The following XRCC2 variants were observed in gnomAD, a reference collection of about 807,000 sequenced individuals.
XRCC2 encodes the protein X-ray repair cross complementing 2, also known as DNA repair protein XRCC2.
Under a neutral mutation model 27.3 loss-of-function variants are expected in XRCC2, and 24 were observed. The ratio of observed to expected loss-of-function variants is 0.88; its 90% CI spans 0.64 to 1.24. The LOEUF is 1.24. XRCC2 is among the 50% of genes most tolerant of loss of function. XRCC2 has a pLI of 0.00. For missense variants in XRCC2, 321 were observed against 325.8 expected, an observed-to-expected ratio of 0.99 and a Z score of 0.11; for synonymous variants, 106 against 115.4, an observed-to-expected ratio of 0.92 and a Z score of 0.52.
chr7:152,648,634 G>T lies in XRCC2; in HGVS notation c.*8C>A. 6.3e-7 allele frequency: 1 copy of T among 1,582,126 alleles called. No individual in the cohort carries two copies. The highest frequency in any genetic ancestry group is 8.6e-7 in the Non-Finnish European group (1 of 1,167,716). ...AGTACCCTGCAAAAGACTATTTTAT[G>T]ATGTATATCAACAAAATTCAACCCC... On this transcript the variant is annotated 3_prime_UTR_variant, in exon 3 of 3. Transcript: ENST00000359321.
At chr7:152,651,616 A>G (rs1305261500) in intron 2 of XRCC2, among the ~76,000 whole-genome samples, 4 of 151,992 alleles carry the variant, frequency 2.6e-5, no homozygotes, top group African/African-American at 9.7e-5. Flanking sequence ...GAAATTTAAA[A>G]AATGATTCCA....
rs1438661897 is a variant in XRCC2, at chr7:152,646,813, G to A, written c.*1829C>T. On this transcript the variant is annotated 3_prime_UTR_variant, in exon 3 of 3. Transcript: ENST00000359321. ...TTTTTATGGCTGTATAGTATTCCCT[G>A]GTGTGTATGTACCACATTTTTTTAA... The A allele has an allele frequency of 6.6e-6, 1 of 152,156 alleles. No homozygotes were observed. Among genetic ancestry groups the A allele is most frequent in the Non-Finnish European group, 1.5e-5 (1 of 68,052 alleles). 9.4% of individuals were successfully genotyped at this position (152,156 alleles called of 1,614,324 possible).
chr7:152,667,428 A>AAAT (rs1554412463), intron 1 of XRCC2, among the ~76,000 whole-genome samples: 2 of 77,928 alleles, frequency 2.6e-5, no homozygotes, highest in Admixed American at 1.5e-4. Context: ...AAAAAAAAAG[A>AAAT]AAAAAAGTAT....
chr7:152,650,573 G>A (rs2098028095), intron 2 of XRCC2, among the ~76,000 whole-genome samples: 1 of 152,118 alleles, frequency 6.6e-6, no homozygotes, highest in African/African-American at 2.4e-5. Context: ...CCAATTATTA[G>A]CCCCAACCAA....
intron 1 of XRCC2, among the ~76,000 whole-genome samples, chr7:152,669,864 G>A (rs896500984): frequency 2.6e-5 from 4 of 151,812 alleles, no homozygotes. Flanking sequence ...TCGGGAGGCC[G>A]AGGTGAAAGG....
chr7:152,648,869 A>G lies in XRCC2; in HGVS notation c.616T>C (p.Ser206Pro). 6.2e-7 allele frequency: 1 copy of G among 1,613,992 alleles called. No individual in the cohort carries two copies. Among genetic ancestry groups the G allele is most frequent in the South Asian group, 1.1e-5 (1 of 91,070 alleles). ...QTIMQKASSS[S>P]EEPSHASRRL... ...CGAGAGGCATGAGAAGGTTCTTCTGATGAGCTCGAGGCTTTCTGCATTATA... is the reference window on the plus strand; with the variant it reads ...CGAGAGGCATGAGAAGGTTCTTCTGGTGAGCTCGAGGCTTTCTGCATTATA... Residue 206 changes from serine (S) to proline (P), a missense_variant, in exon 3 of 3, where the codon TCA becomes CCA. Coordinates refer to ENST00000359321, the MANE Select transcript of XRCC2 (RefSeq NM_005431.2).
chr7:152,670,963 C>T (rs1481209357), intron 1 of XRCC2, among the ~76,000 whole-genome samples: 1 of 152,162 alleles, frequency 6.6e-6, no homozygotes, highest in Non-Finnish European at 1.5e-5. Context: ...GCCAGTAATT[C>T]CAGCACTTTG....
Position 152,648,617 on chromosome 7 carries a change from G to A in XRCC2, c.*25C>T. ...AATTTTAAGGCTTGCGTAGTACCCT[G>A]CAAAAGACTATTTTATGATGTATAT... On this transcript the variant is annotated 3_prime_UTR_variant, in exon 3 of 3. Coordinates refer to ENST00000359321, the MANE Select transcript of XRCC2 (RefSeq NM_005431.2). 1.3e-6 allele frequency: 2 copies of A among 1,560,118 alleles called. No homozygotes were observed. The highest frequency in any genetic ancestry group is 2.7e-5 in the African/African-American group (2 of 73,416).
At chr7:152,673,893 T>G (rs983373096) in intron 1 of XRCC2, among the ~76,000 whole-genome samples, 4 of 151,924 alleles carry the variant, frequency 2.6e-5, no homozygotes, top group Non-Finnish European at 5.9e-5. Flanking sequence ...AACCAAAAAT[T>G]TAAAGTAGTT....
rs2098037227 is a variant in XRCC2 at position 152,669,271 on chromosome 7, G to A, written c.39+6770C>T. Among the ~76,000 whole-genome samples, 2 of 152,210 alleles carry A rather than the reference G, an allele frequency of 1.3e-5. 1 individual carries two copies. The highest frequency in any genetic ancestry group is 4.1e-4 in the South Asian group (2 of 4,828). The stretch of plus-strand genomic sequence containing the variant: ...GGAAAGCCATCTGAGGTCCTGTCTG[G>A]GCGATTATCTGACTTCTTTCAACCA... On this transcript the variant is annotated intron_variant, in intron 1 of 2. Transcript: ENST00000359321.
Position 152,660,683 on chromosome 7 carries a change from A to G in XRCC2, c.121+18T>C. 2 of 1,594,748 alleles carry G rather than the reference A, an allele frequency of 1.3e-6. No individual in the cohort carries two copies. Among genetic ancestry groups the G allele is most frequent in the South Asian group, 1.1e-5 (1 of 87,936 alleles). ...TATAAAGATTTGCATTTATTTATAT[A>G]AAGGTTGTATTTTTTACCATGCACA... On this transcript the variant is annotated intron_variant, in intron 2 of 2. Transcript: ENST00000359321.
intron 1 of XRCC2, among the ~76,000 whole-genome samples, chr7:152,668,305 T>TG (rs1184696934): frequency 1.2e-4 from 18 of 152,204 alleles, no homozygotes; most frequent in South Asian, 2.1e-4. Context: ...CATTACTGTA[T>TG]GGGAAAAAAC....
rs1489709554 is a variant in XRCC2, at chr7:152,647,224, T to A, written c.*1418A>T. The stretch of plus-strand genomic sequence containing the variant: ...TCTTCTTTTGAAAAGTGTCTGTTCA[T>A]GTCCTTTGCCCACTTTTTAATGGGG... On this transcript the variant is annotated 3_prime_UTR_variant, in exon 3 of 3. Coordinates refer to ENST00000359321, the MANE Select transcript of XRCC2 (RefSeq NM_005431.2). The A allele has an allele frequency of 2.6e-5, 4 of 152,222 alleles. No individual in the cohort carries two copies. The highest frequency in any genetic ancestry group is 4.4e-5 in the Non-Finnish European group (3 of 68,040). 9.4% of individuals were successfully genotyped at this position (152,222 alleles called of 1,614,324 possible).
At chr7:152,654,927 T>C (rs1357139309) in intron 2 of XRCC2, among the ~76,000 whole-genome samples, 1 of 152,210 alleles carries the variant, frequency 6.6e-6, no homozygotes, top group East Asian at 1.9e-4. Context: ...GTTTTACTGA[T>C]TTTATAAACA....
At chr7:152,659,816 CATCT>C (rs2098032277) in intron 2 of XRCC2, among the ~76,000 whole-genome samples, 1 of 152,168 alleles carries the variant, frequency 6.6e-6, no homozygotes, top group Non-Finnish European at 1.5e-5. Flanking sequence ...GAACTGAAGA[CATCT>C]ATCCACAGAA....
intron 2 of XRCC2, among the ~76,000 whole-genome samples, chr7:152,658,635 C>T (rs1179505056): frequency 6.6e-6 from 1 of 152,208 alleles, no homozygotes; most frequent in Non-Finnish European, 1.5e-5. Context: ...ACTTTCTTTT[C>T]TGTGAATTTA....
intron 2 of XRCC2, among the ~76,000 whole-genome samples, chr7:152,658,844 T>G (rs529234327): frequency 1.3e-5 from 2 of 152,206 alleles, no homozygotes; most frequent in Non-Finnish European, 2.9e-5. Flanking sequence ...TGGATACTTT[T>G]CCCCCCAGGG....
At chr7:152,674,148 AGAG>A (rs1460613915) in intron 1 of XRCC2, among the ~76,000 whole-genome samples, 1 of 152,180 alleles carries the variant, frequency 6.6e-6, no homozygotes, top group Admixed American at 6.6e-5. Context: ...ACTCCACTCC[AGAG>A]TAGTATGAGC....
At chr7:152,653,476 T>A (rs1411039323) in intron 2 of XRCC2, among the ~76,000 whole-genome samples, 1 of 152,182 alleles carries the variant, frequency 6.6e-6, no homozygotes, top group African/African-American at 2.4e-5. Flanking sequence ...TAGACTTTTT[T>A]TGAGACAGGG....
Sources: allele counts gnomAD v4.1 joint callset (sites outside exome capture counted in the v4.1 genomes callset), GRCh38; gene constraint gnomAD v4.1.1; transcripts MANE v1.5; gene names NCBI Gene and HGNC (gene_info 2026-07-23, HGNC 2026-07-21).